Variants in RANBP2 observed in about 807,000 individuals in gnomAD.
The protein encoded by RANBP2 is E3 SUMO-protein ligase RanBP2.
RANBP2 carries 57 observed loss-of-function variants against 303.6 expected under a neutral mutation model. The observed-to-expected ratio is 0.19, with a 90% CI of 0.15 to 0.23. The LOEUF is 0.23. RANBP2 is among the 10% of genes least tolerant of loss of function. The pLI is 1.00. For synonymous variants in RANBP2, 1,167 were observed against 1,301.5 expected, an observed-to-expected ratio of 0.90 and a Z score of 2.23; for missense variants, 3,138 against 3,780.8, an observed-to-expected ratio of 0.83 and a Z score of 4.46.
chr2:108,782,764 C>A lies in RANBP2; in HGVS notation c.9271C>A (p.Arg3091=). The change falls in exon 28 of 29, where the codon CGG becomes AGG. Residue 3091 remains arginine (R), a synonymous_variant. Transcript: ENST00000283195. ...TMELFSNIVP[R]TAENFRALCT... ...GGAATTATTTTCAAACATTGTTCCT[C>A]GGACTGCTGAGAACTTCAGAGCACT... 3.1e-6 allele frequency: 5 copies of A among 1,614,150 alleles called. No homozygotes were observed. The highest frequency in any genetic ancestry group is 4.2e-6 in the Non-Finnish European group (5 of 1,180,028).
At chr2:109,459,227 T>G in the RANBP2 span, among the ~76,000 whole-genome samples, 3 of 151,950 alleles carry the variant, frequency 2.0e-5, no homozygotes, top group African/African-American at 7.3e-5. Flanking sequence ...AAGGTACTGC[T>G]TAATATACAC....
At chr2:109,327,647 C>T in the RANBP2 span, among the ~76,000 whole-genome samples, 1 of 152,202 alleles carries the variant, frequency 6.6e-6, no homozygotes, top group South Asian at 2.1e-4. Flanking sequence ...TCTTTAATAT[C>T]TTTTAGTAAA....
the RANBP2 span, among the ~76,000 whole-genome samples, chr2:109,563,272 A>T: frequency 6.6e-6 from 1 of 152,218 alleles, no homozygotes; most frequent in Non-Finnish European, 1.5e-5. Context: ...AATTAACTCC[A>T]TAGACTGAAG....
the RANBP2 span, among the ~76,000 whole-genome samples, chr2:109,078,211 GTA>G: frequency 8.5e-4 from 31 of 36,462 alleles, no homozygotes; most frequent in African/African-American, 1.8e-3. Flanking sequence ...TATATATAGC[GTA>G]TATATATATA....
At chr2:108,862,087 T>A in the RANBP2 span, among the ~76,000 whole-genome samples, 1 of 151,320 alleles carries the variant, frequency 6.6e-6, no homozygotes, top group South Asian at 2.1e-4. Context: ...GTTTTTTTTT[T>A]TTTTATTTGT....
At chr2:108,931,771 T>A in the RANBP2 span, among the ~76,000 whole-genome samples, 1 of 152,156 alleles carries the variant, frequency 6.6e-6, no homozygotes, top group South Asian at 2.1e-4. Flanking sequence ...TGGAGACCTG[T>A]GTTTCTGACT....
chr2:109,524,469 A>AAAAAAAAAAAAAAAAAAAAAAC, the RANBP2 span, among the ~76,000 whole-genome samples: 15 of 80,882 alleles, frequency 1.9e-4, no homozygotes, highest in East Asian at 1.7e-3. Context: ...AAAAAAAACA[A>AAAAAAAAAAAAAAAAAAAAAAC]AACAACACTG....
the RANBP2 span, among the ~76,000 whole-genome samples, chr2:109,222,068 G>A: frequency 6.6e-6 from 1 of 152,090 alleles, no homozygotes; most frequent in Non-Finnish European, 1.5e-5. Flanking sequence ...AACTGCAGGT[G>A]GTTATGGTAA....
chr2:108,825,966 G>A, the RANBP2 span, among the ~76,000 whole-genome samples: 2 of 152,082 alleles, frequency 1.3e-5, no homozygotes, highest in Non-Finnish European at 2.9e-5. Flanking sequence ...AGTATGAAGT[G>A]GTCAATCATT....
chr2:109,121,566 A>G, the RANBP2 span, among the ~76,000 whole-genome samples: 1 of 152,202 alleles, frequency 6.6e-6, no homozygotes. Context: ...CACATCTGTA[A>G]AGCATTTTGC....
chr2:108,826,044 G>A, the RANBP2 span, among the ~76,000 whole-genome samples: 4 of 152,066 alleles, frequency 2.6e-5, no homozygotes, highest in Non-Finnish European at 5.9e-5. Flanking sequence ...TTGGCCGTTT[G>A]GATATCTTTT....
At chr2:109,529,362 T>C in the RANBP2 span, among the ~76,000 whole-genome samples, 5 of 151,982 alleles carry the variant, frequency 3.3e-5, no homozygotes. Context: ...ACCAGCGGTG[T>C]CCTGAAAGGG....
the RANBP2 span, among the ~76,000 whole-genome samples, chr2:109,673,327 C>A: frequency 2.6e-5 from 4 of 152,206 alleles, no homozygotes; most frequent in South Asian, 8.3e-4. Context: ...TGTTGCCAAT[C>A]TTTTTGCCCA....
the RANBP2 span, among the ~76,000 whole-genome samples, chr2:109,007,343 T>C: frequency 6.6e-6 from 1 of 152,212 alleles, no homozygotes; most frequent in Non-Finnish European, 1.5e-5. Flanking sequence ...CCTCCATCAG[T>C]AGTGTGCTAA....
At chr2:109,421,470 TCCAGGCATGTCACC>T in the RANBP2 span, among the ~76,000 whole-genome samples, 2 of 152,230 alleles carry the variant, frequency 1.3e-5, no homozygotes. Context: ...ACGTAACAGT[TCCAGGCATGTCACC>T]CCTCAAGAGT....
At chr2:108,987,285 G>T in the RANBP2 span, among the ~76,000 whole-genome samples, 1 of 152,240 alleles carries the variant, frequency 6.6e-6, no homozygotes, top group Non-Finnish European at 1.5e-5. Flanking sequence ...CCATCTGTGG[G>T]CCTATGAGAC....
At chr2:109,701,082 C>A in the RANBP2 span, among the ~76,000 whole-genome samples, 1 of 152,182 alleles carries the variant, frequency 6.6e-6, no homozygotes, top group Non-Finnish European at 1.5e-5. Context: ...CCAGGCTCAG[C>A]CTTGCCGCTT....
chr2:109,489,355 A>G, the RANBP2 span, among the ~76,000 whole-genome samples: 1 of 152,210 alleles, frequency 6.6e-6, no homozygotes, highest in African/African-American at 2.4e-5. Context: ...CTGCAACAAC[A>G]ATCCAGGCAT....
At chr2:109,144,771 A>C in the RANBP2 span, among the ~76,000 whole-genome samples, 3 of 152,234 alleles carry the variant, frequency 2.0e-5, no homozygotes, top group Non-Finnish European at 4.4e-5. Flanking sequence ...TGTCTGCATC[A>C]GTCAGGCACC....
Sources: gnomAD v4.1 joint callset for allele counts (sites outside exome capture counted in the v4.1 genomes callset) on GRCh38, gnomAD v4.1.1 for gene constraint, MANE v1.5 for transcripts, NCBI Gene and HGNC (gene_info 2026-07-23, HGNC 2026-07-21) for gene names.